Variants in SDC2 observed in about 807,000 individuals in gnomAD.
SDC2 encodes syndecan-2.
In SDC2, 13 loss-of-function variants were observed where a neutral mutation model predicts 22.2. The ratio of observed to expected loss-of-function variants is 0.59; its 90% CI spans 0.38 to 0.93. The LOEUF (loss-of-function observed/expected upper bound fraction) is 0.93, where lower values mean the gene tolerates loss of function less well. Ranked by LOEUF, SDC2 falls within the 40% of genes least tolerant of loss-of-function variation. The pLI, the probability that SDC2 is intolerant of heterozygous loss-of-function variation, is 0.00. For missense variants in SDC2, 235 were observed against 246.8 expected, an observed-to-expected ratio of 0.95 and a Z score of 0.32; for synonymous variants, 94 against 92.8, an observed-to-expected ratio of 1.01 and a Z score of -0.07.
chr8:96,523,582 A>G (rs1453897967), intron 1 of SDC2, among the ~76,000 whole-genome samples: 1 of 152,156 alleles, frequency 6.6e-6, no homozygotes, highest in African/African-American at 2.4e-5. Flanking sequence ...CCACTATTAT[A>G]ATTATTCAGT....
chr8:96,539,114 C>T (rs1235442070), intron 1 of SDC2, among the ~76,000 whole-genome samples: 5 of 152,176 alleles, frequency 3.3e-5, no homozygotes, highest in Non-Finnish European at 5.9e-5. Context: ...ATAATTTTCT[C>T]GTTTTTCTTT....
intron 1 of SDC2, among the ~76,000 whole-genome samples, chr8:96,562,326 A>G (rs1814223045): frequency 6.6e-6 from 1 of 152,182 alleles, no homozygotes. Flanking sequence ...GGGTCTTTTC[A>G]GGTCCACAGC....
intron 1 of SDC2, among the ~76,000 whole-genome samples, chr8:96,531,416 A>G (rs1025497322): frequency 6.6e-6 from 1 of 152,172 alleles, no homozygotes; most frequent in African/African-American, 2.4e-5. Flanking sequence ...TCTCTTTTGG[A>G]CAACCTAAAG....
At chr8:96,557,672 G>T (rs555423513) in intron 1 of SDC2, among the ~76,000 whole-genome samples, 94 of 152,168 alleles carry the variant, frequency 6.2e-4, no homozygotes, top group African/African-American at 2.1e-3. Context: ...TATACCTAAT[G>T]GTAGATGACG....
In SDC2 at chr8:96,609,375, G is replaced by C; in HGVS notation, c.443-10G>C. 1 of 1,604,986 alleles carries C rather than the reference G, an allele frequency of 6.2e-7. No homozygotes were observed. The highest frequency in any genetic ancestry group is 8.5e-7 in the Non-Finnish European group (1 of 1,175,592). On this transcript the variant is annotated splice_polypyrimidine_tract_variant and intron_variant, in intron 4 of 4. Coordinates refer to ENST00000302190, the MANE Select transcript of SDC2 (RefSeq NM_002998.4). ...CTCTTCTAAAGTAATCTTCCTTTTG[G>C]TTGTTTCAGCTGTCATTGCTGGTGG...
At chr8:96,586,080 T>C (rs143038511) in intron 1 of SDC2, among the ~76,000 whole-genome samples, 216 of 152,312 alleles carry the variant, frequency 1.4e-3, no homozygotes, top group African/African-American at 5.0e-3. Flanking sequence ...GCCATTTAAA[T>C]GTTTTCCAAA....
Position 96,494,082 on chromosome 8 carries a change from G to T in SDC2, c.-190G>T, listed in dbSNP as rs1291682792. 2.8e-5 allele frequency: 16 copies of T among 566,142 alleles called. No individual in the cohort carries two copies. In the East Asian group the frequency reaches 5.3e-4, roughly 19 times the overall value. The allele number at this position is 566,142 out of a possible 1,614,324, so 35.1% of individuals were successfully genotyped here. A position where few individuals can be genotyped will look rare whatever the true frequency, so the allele number is the denominator to read the frequency against. On this transcript the variant is annotated 5_prime_UTR_variant, in exon 1 of 5. Transcript: ENST00000302190. ...GCGTTCCCGGGGCGCAGCTGCGGGCGGCGGGAGCAGGCGCAGGAGGAGGAA... is the reference window on the plus strand; with the variant it reads ...GCGTTCCCGGGGCGCAGCTGCGGGCTGCGGGAGCAGGCGCAGGAGGAGGAA...
In SDC2 at chr8:96,611,744, A is replaced by G. The variant is rs143182739; in HGVS notation, c.*2196A>G. 2.0e-5 allele frequency: 3 copies of G among 152,812 alleles called. No homozygotes were observed. The highest frequency in any genetic ancestry group is 7.2e-5 in the African/African-American group (3 of 41,600). 9.5% of individuals were successfully genotyped at this position (152,812 alleles called of 1,614,324 possible). On this transcript the variant is annotated 3_prime_UTR_variant, in exon 5 of 5. Coordinates refer to ENST00000302190, the MANE Select transcript of SDC2 (RefSeq NM_002998.4). ...AAAGCAAAATATTTGTGAAAGTGCC[A>G]AAATAAAGTCTGTCATGCCAAAAGT...
At chr8:96,562,586 G>A (rs1418462603) in intron 1 of SDC2, among the ~76,000 whole-genome samples, 4 of 152,178 alleles carry the variant, frequency 2.6e-5, no homozygotes, top group Admixed American at 6.5e-5. Context: ...TTCTCCTCTT[G>A]TGCAGGCTTC....
At chr8:96,577,717 C>A (rs1814527679) in intron 1 of SDC2, among the ~76,000 whole-genome samples, 1 of 152,068 alleles carries the variant, frequency 6.6e-6, no homozygotes, top group Admixed American at 6.6e-5. Flanking sequence ...CCTAAAAATA[C>A]CCTGTGCTCC....
In SDC2 at chr8:96,533,539, G is replaced by A. The variant is rs530635558; in HGVS notation, c.60+39208G>A. On this transcript the variant is annotated intron_variant, in intron 1 of 4. Coordinates refer to ENST00000302190, the MANE Select transcript of SDC2 (RefSeq NM_002998.4). ...TACAATCTCTTAGCTAGACGTAAAG[G>A]TTCTCCAAGTCCCCACCAGATTAGC... Among the ~76,000 whole-genome samples, 66 of 152,012 alleles carry A rather than the reference G, an allele frequency of 4.3e-4. No individual in the cohort carries two copies. In the South Asian group the frequency reaches 0.013, roughly 31 times the overall value.
At chr8:96,594,419 T>G (rs2651477) in intron 2 of SDC2, among the ~76,000 whole-genome samples, 22,990 of 152,062 alleles carry the variant, frequency 0.15, 2,161 homozygotes, top group South Asian at 0.3. Flanking sequence ...GCAAGCTATT[T>G]TTTCACAGTA....
chr8:96,508,920 T>A (rs1469479637), intron 1 of SDC2, among the ~76,000 whole-genome samples: 1 of 142,446 alleles, frequency 7.0e-6, no homozygotes, highest in Admixed American at 7.0e-5. Flanking sequence ...TCATGAAGTA[T>A]CTAATGGATG....
intron 2 of SDC2, among the ~76,000 whole-genome samples, chr8:96,595,715 A>G (rs1814863163): frequency 6.6e-6 from 1 of 152,244 alleles, no homozygotes; most frequent in Non-Finnish European, 1.5e-5. Context: ...TGCTTAAAGT[A>G]AGTTTTCTTT....
In SDC2 at chr8:96,610,042, A is replaced by T. The variant is rs1815150810; in HGVS notation, c.*494A>T. 6.6e-6 allele frequency: 1 copy of T among 152,596 alleles called. No homozygotes were observed. The highest frequency in any genetic ancestry group is 1.5e-5 in the Non-Finnish European group (1 of 68,072). 9.5% of individuals were successfully genotyped at this position (152,596 alleles called of 1,614,324 possible). On this transcript the variant is annotated 3_prime_UTR_variant, in exon 5 of 5. Coordinates refer to ENST00000302190, the MANE Select transcript of SDC2 (RefSeq NM_002998.4). ...AATTTGTCTTTGGAAAATTCAGATAATGGTAATTTAGTGTATATGTGATTT... is the reference window on the plus strand; with the variant it reads ...AATTTGTCTTTGGAAAATTCAGATATTGGTAATTTAGTGTATATGTGATTT...
chr8:96,544,386 C>T (rs1813899235), intron 1 of SDC2, among the ~76,000 whole-genome samples: 1 of 152,094 alleles, frequency 6.6e-6, no homozygotes, highest in South Asian at 2.1e-4. Flanking sequence ...TATTCTTTAC[C>T]TCTTGTCCTT....
intron 3 of SDC2, among the ~76,000 whole-genome samples, chr8:96,603,774 T>C (rs1308156218): frequency 6.6e-6 from 1 of 152,148 alleles, no homozygotes; most frequent in Non-Finnish European, 1.5e-5. Context: ...CCTGTCCAAA[T>C]TGAAGTGCTT....
intron 1 of SDC2, among the ~76,000 whole-genome samples, chr8:96,530,885 C>T (rs1385993875): frequency 6.6e-6 from 1 of 152,196 alleles, no homozygotes; most frequent in African/African-American, 2.4e-5. Context: ...AATGGCGGAG[C>T]TAAGATGGAC....
At chr8:96,522,428 A>G (rs1020379659) in intron 1 of SDC2, among the ~76,000 whole-genome samples, 1 of 151,398 alleles carries the variant, frequency 6.6e-6, no homozygotes, top group Non-Finnish European at 1.5e-5. Context: ...AACGCCGTGT[A>G]TTATTTTTGT....
Sources: allele counts gnomAD v4.1 joint callset (sites outside exome capture counted in the v4.1 genomes callset), GRCh38; gene constraint gnomAD v4.1.1; transcripts MANE v1.5; gene names NCBI Gene and HGNC (gene_info 2026-07-23, HGNC 2026-07-21).